VDAC1: variants seen among roughly 807,000 people sequenced by gnomAD.
The protein encoded by VDAC1 is voltage dependent anion channel 1.
In VDAC1, 10 loss-of-function variants were observed where a neutral mutation model predicts 34.7. The ratio of observed to expected loss-of-function variants is 0.29; its 90% CI spans 0.18 to 0.49. The LOEUF is 0.49. Among genes scored for constraint, VDAC1 ranks in the 20% least tolerant of loss-of-function variants. The pLI, the probability that VDAC1 is intolerant of heterozygous loss-of-function variation, is 0.99. For synonymous variants in VDAC1, 130 were observed against 136.0 expected, an observed-to-expected ratio of 0.96 and a Z score of 0.30; for missense variants, 230 against 347.9, an observed-to-expected ratio of 0.66 and a Z score of 2.69.
At chr5:134,068,111 A>G in the VDAC1 span, among the ~76,000 whole-genome samples, 1 of 152,040 alleles carries the variant, frequency 6.6e-6, no homozygotes, top group Non-Finnish European at 1.5e-5. Flanking sequence ...GAGGGAGACT[A>G]CATCTCAAAA....
the VDAC1 span, among the ~76,000 whole-genome samples, chr5:134,039,797 G>A: frequency 6.6e-6 from 1 of 152,220 alleles, no homozygotes; most frequent in Non-Finnish European, 1.5e-5. Context: ...TCCAGGAGGA[G>A]GCACAGTTCC....
chr5:134,073,884 A>T, the VDAC1 span, among the ~76,000 whole-genome samples: 1 of 152,196 alleles, frequency 6.6e-6, no homozygotes, highest in South Asian at 2.1e-4. Context: ...AAATGCATTT[A>T]AAAAAGACTG....
the VDAC1 span, among the ~76,000 whole-genome samples, chr5:134,048,741 C>A: frequency 8.2e-4 from 124 of 152,140 alleles, 1 homozygote; most frequent in South Asian, 5.8e-3. Context: ...CGCTGGACAT[C>A]TTTCCTCTAG....
At chr5:134,094,958 T>C in the VDAC1 span, among the ~76,000 whole-genome samples, 2 of 152,328 alleles carry the variant, frequency 1.3e-5, no homozygotes, top group Admixed American at 1.3e-4. Flanking sequence ...CCCACGTACA[T>C]GCTGCAGAAC....
At chr5:134,091,539 G>A in the VDAC1 span, among the ~76,000 whole-genome samples, 15 of 152,110 alleles carry the variant, frequency 9.9e-5, no homozygotes, top group Non-Finnish European at 1.8e-4. Flanking sequence ...GCAAAGGCTG[G>A]GCCACAATGA....
chr5:134,029,795 T>C, the VDAC1 span, among the ~76,000 whole-genome samples: 3 of 152,264 alleles, frequency 2.0e-5, no homozygotes, highest in African/African-American at 4.8e-5. Context: ...TATAAAAGGA[T>C]AGCCTGTGGG....
the VDAC1 span, among the ~76,000 whole-genome samples, chr5:134,059,258 C>T: frequency 1.4e-4 from 21 of 152,276 alleles, no homozygotes; most frequent in Non-Finnish European, 2.8e-4. Context: ...ACGTGAGGCT[C>T]CCAGGCTCCC....
chr5:134,011,643 T>C, the VDAC1 span, among the ~76,000 whole-genome samples: 2 of 150,064 alleles, frequency 1.3e-5, no homozygotes, highest in Non-Finnish European at 3.0e-5. Flanking sequence ...CAAGTTCTTT[T>C]TTTTTTTTTT....
chr5:134,057,838 A>C, the VDAC1 span, among the ~76,000 whole-genome samples: 1 of 152,112 alleles, frequency 6.6e-6, no homozygotes, highest in Non-Finnish European at 1.5e-5. Flanking sequence ...TAGTCCTTTA[A>C]ATTTTTTGCC....
At chr5:134,053,226 C>G in the VDAC1 span, among the ~76,000 whole-genome samples, 1 of 152,234 alleles carries the variant, frequency 6.6e-6, no homozygotes, top group African/African-American at 2.4e-5. Context: ...GCCCTGCTAA[C>G]ACCACTTTCT....
the VDAC1 span, among the ~76,000 whole-genome samples, chr5:134,084,505 C>A: frequency 1.3e-5 from 2 of 152,212 alleles, no homozygotes; most frequent in African/African-American, 4.8e-5. Flanking sequence ...TCCAGGGTGG[C>A]ATGGTTGGGG....
chr5:134,038,280 C>T, the VDAC1 span, among the ~76,000 whole-genome samples: 2 of 152,270 alleles, frequency 1.3e-5, no homozygotes, highest in Non-Finnish European at 2.9e-5. Context: ...GAAAGCAAAC[C>T]ACATAAATAT....
At chr5:133,984,665 G>A (rs1312725229) in intron 5 of VDAC1, among the ~76,000 whole-genome samples, 2 of 152,200 alleles carry the variant, frequency 1.3e-5, no homozygotes, top group Non-Finnish European at 2.9e-5. Context: ...GCCGGGCACA[G>A]TGCCTCACAC....
At chr5:134,077,852 CA>C in the VDAC1 span, among the ~76,000 whole-genome samples, 20 of 152,322 alleles carry the variant, frequency 1.3e-4, no homozygotes, top group African/African-American at 4.6e-4. Flanking sequence ...GGCCACAGGT[CA>C]GCTCTCCTAC....
At chr5:134,060,095 T>C in the VDAC1 span, among the ~76,000 whole-genome samples, 6 of 151,898 alleles carry the variant, frequency 4.0e-5, no homozygotes, top group Non-Finnish European at 5.9e-5. Flanking sequence ...ATCAAGTACA[T>C]GGAACAAGCC....
chr5:134,008,707 T>C (rs1753791507), upstream of VDAC1, among the ~76,000 whole-genome samples: 1 of 152,222 alleles, frequency 6.6e-6, no homozygotes, highest in Admixed American at 6.5e-5. Flanking sequence ...TTGTCTGTGC[T>C]AAGTACCAGA....
At chr5:133,983,309 G>C (rs907273126) in intron 5 of VDAC1, among the ~76,000 whole-genome samples, 1 of 151,578 alleles carries the variant, frequency 6.6e-6, no homozygotes, top group Non-Finnish European at 1.5e-5. Context: ...ATAATATCAT[G>C]GTTATGCTCC....
At chr5:133,985,365 GAAAAAT>G (rs1752867328) in intron 5 of VDAC1, among the ~76,000 whole-genome samples, 13 of 152,138 alleles carry the variant, frequency 8.5e-5, no homozygotes, top group Non-Finnish European at 1.5e-4. Context: ...CTCTCAATAA[GAAAAAT>G]CCAAAACTGG....
At chr5:133,980,649 A>AAAAC in intron 6 of VDAC1, 80 bp downstream of exon 6, 1 of 984,992 alleles carries the variant, frequency 1.0e-6, no homozygotes, top group East Asian at 3.3e-5. Flanking sequence ...AAAAAAAAAA[A>AAAAC]AAAACAGTGA....
Sources: allele counts gnomAD v4.1 joint callset (sites outside exome capture counted in the v4.1 genomes callset), GRCh38; gene constraint gnomAD v4.1.1; transcripts MANE v1.5; gene names NCBI Gene and HGNC (gene_info 2026-07-23, HGNC 2026-07-21).